The following PTPRN2 variants were observed in gnomAD, a reference collection of about 807,000 sequenced individuals.
PTPRN2 encodes the protein receptor-type tyrosine-protein phosphatase N2.
In PTPRN2, 74 loss-of-function variants were observed where a neutral mutation model predicts 118.8. That is an observed-to-expected ratio of 0.62 (90% confidence interval 0.52 to 0.76). The LOEUF (loss-of-function observed/expected upper bound fraction) is 0.76, where lower values mean the gene tolerates loss of function less well. Ranked by LOEUF, PTPRN2 falls within the 30% of genes least tolerant of loss-of-function variation. The pLI is 0.00. For synonymous variants in PTPRN2, 641 were observed against 608.0 expected, an observed-to-expected ratio of 1.05 and a Z score of -0.80; for missense variants, 1,481 against 1,394.4, an observed-to-expected ratio of 1.06 and a Z score of -0.99.
intron 12 of PTPRN2, among the ~76,000 whole-genome samples, chr7:157,710,519 CAG>C: frequency 7.5e-6 from 1 of 132,772 alleles, no homozygotes; most frequent in Admixed American, 8.7e-5. Flanking sequence ...TTTCCCAGGG[CAG>C]AGAGTGACAT....
intron 11 of PTPRN2, among the ~76,000 whole-genome samples, chr7:158,011,239 C>G (rs955297501): frequency 6.6e-6 from 1 of 152,176 alleles, no homozygotes; most frequent in Non-Finnish European, 1.5e-5. Context: ...CACATCAGCC[C>G]GTCTTCTCAC....
In PTPRN2 at chr7:157,785,625, C is replaced by T. The variant is rs773675511; in HGVS notation, c.1789-102688G>A. On this transcript the variant is annotated intron_variant, in intron 12 of 22. Transcript: ENST00000389418. This position sits in a 1 kb window ranked among gnomAD's most constrained non-coding sequence, Gnocchi z 7.3. ...GCTTCTCCCAGGACCAGGGTCCCTG[C>T]TTTCTGCAGACGGTGGGCAGAGGGC... Among the ~76,000 whole-genome samples the T allele has an allele frequency of 7.2e-5, 11 of 152,168 alleles. No homozygotes were observed. Among genetic ancestry groups the T allele is most frequent in the Non-Finnish European group, 1.5e-4 (10 of 68,018 alleles).
chr7:157,868,186 T>C lies in PTPRN2; in HGVS notation c.1788+30487A>G, dbSNP rs1392708659. 6.6e-6 allele frequency among the ~76,000 whole-genome samples: 1 copy of C among 152,182 alleles called. No homozygotes were observed. Among genetic ancestry groups the C allele is most frequent in the Admixed American group, 6.5e-5 (1 of 15,276 alleles). ...AAGGCCAGGCACAGGAAGGGTTCCTTTCCCGATGGCTCCGACAGCCCAGTG... is the reference window on the plus strand; with the variant it reads ...AAGGCCAGGCACAGGAAGGGTTCCTCTCCCGATGGCTCCGACAGCCCAGTG... On this transcript the variant is annotated intron_variant, in intron 12 of 22. Transcript: ENST00000389418. The surrounding 1 kb of genome is among the most constrained non-coding windows in gnomAD (Gnocchi z 5.2).
intron 1 of PTPRN2, among the ~76,000 whole-genome samples, chr7:158,521,269 AG>A (rs1823973513): frequency 6.6e-6 from 1 of 152,206 alleles, no homozygotes; most frequent in African/African-American, 2.4e-5. Context: ...TCTTGCCCAA[AG>A]GGACCTGAGA....
At chr7:158,036,835 G>C (rs1808119817) in intron 11 of PTPRN2, among the ~76,000 whole-genome samples, 1 of 152,030 alleles carries the variant, frequency 6.6e-6, no homozygotes, top group Non-Finnish European at 1.5e-5. Context: ...TTTTCTTAAT[G>C]CTTGGGATAG....
At chr7:157,707,974 T>C (rs1407926778) in intron 12 of PTPRN2, among the ~76,000 whole-genome samples, 1 of 152,246 alleles carries the variant, frequency 6.6e-6, no homozygotes, top group African/African-American at 2.4e-5. Flanking sequence ...AATAAAGTCC[T>C]TGTGGATTTT....
intron 6 of PTPRN2, among the ~76,000 whole-genome samples, chr7:158,151,801 C>T (rs1416833944): frequency 1.3e-5 from 2 of 152,180 alleles, no homozygotes; most frequent in Admixed American, 6.5e-5. Flanking sequence ...CCTTTGAAGG[C>T]GCAGAGATAA....
intron 4 of PTPRN2, among the ~76,000 whole-genome samples, chr7:158,199,026 G>T (rs1358386806): frequency 6.6e-6 from 1 of 151,652 alleles, no homozygotes; most frequent in Non-Finnish European, 1.5e-5. Flanking sequence ...CATGTTCCCA[G>T]GTTCTTGGTT....
chr7:157,789,676 A>ATGTGTGTATGTGTGTGGGGGTATATGTG (rs10666582), intron 12 of PTPRN2, among the ~76,000 whole-genome samples: 1 of 150,864 alleles, frequency 6.6e-6, no homozygotes, highest in Admixed American at 6.6e-5. Flanking sequence ...GTATGTGTGC[A>ATGTGTGTATGTGTGTGGGGGTATATGTG]TGTATGTGTG....
chr7:158,368,021 A>G (rs757010264), intron 2 of PTPRN2, among the ~76,000 whole-genome samples: 2 of 152,196 alleles, frequency 1.3e-5, no homozygotes, highest in Admixed American at 6.6e-5. Context: ...AAACCTTTAA[A>G]TTGAGCTGAG....
chr7:158,258,980 G>A (rs1012134782), intron 3 of PTPRN2, among the ~76,000 whole-genome samples: 2 of 152,164 alleles, frequency 1.3e-5, no homozygotes, highest in Non-Finnish European at 2.9e-5. Flanking sequence ...GGTGAGGGAG[G>A]TGCAGCGTCG....
intron 9 of PTPRN2, among the ~76,000 whole-genome samples, chr7:158,132,636 A>T (rs1205622268): frequency 6.6e-6 from 1 of 151,956 alleles, no homozygotes; most frequent in East Asian, 1.9e-4. Context: ...ATATACACAG[A>T]TGCAGATACA....
At chr7:158,295,686 A>T (rs1229625217) in intron 3 of PTPRN2, among the ~76,000 whole-genome samples, 1 of 147,294 alleles carries the variant, frequency 6.8e-6, no homozygotes, top group Non-Finnish European at 1.5e-5. Flanking sequence ...ACACTGCACC[A>T]CATCGTGGTT....
chr7:157,694,924 CATTA>C (rs1797692797), intron 12 of PTPRN2, among the ~76,000 whole-genome samples: 1 of 151,938 alleles, frequency 6.6e-6, no homozygotes, highest in South Asian at 2.1e-4. Flanking sequence ...CAAATGAGTA[CATTA>C]TTCATATAGA....
chr7:157,705,899 T>C (rs545465393), intron 12 of PTPRN2, among the ~76,000 whole-genome samples: 62 of 152,160 alleles, frequency 4.1e-4, no homozygotes, highest in African/African-American at 1.5e-3. Context: ...CCCAGGTGCC[T>C]TCTGGATAAA....
chr7:157,843,571 G>A (rs1000031504), intron 12 of PTPRN2, among the ~76,000 whole-genome samples: 9 of 152,158 alleles, frequency 5.9e-5, no homozygotes, highest in South Asian at 4.1e-4. Context: ...ACTGACTGTC[G>A]GGATTCCCTG....
At chr7:158,138,610 G>A (rs111757745) in intron 6 of PTPRN2, 95 bp from the exon 7 acceptor site, 52 of 1,227,860 alleles carry the variant, frequency 4.2e-5, no homozygotes, top group African/African-American at 2.7e-4. Flanking sequence ...CGTCTGCGGC[G>A]TCCCAAGGCA....
rs184741274 is a variant in PTPRN2 at position 157,591,656 on chromosome 7, C to T, written c.2496+3582G>A. ...CCTAACTTTGAATTTTTAAGAATGT[C>T]AATCTTGGGGCTTACTGGTAAGTAT... On this transcript the variant is annotated intron_variant, in intron 17 of 22. Transcript: ENST00000389418. The surrounding 1 kb of genome is among the most constrained non-coding windows in gnomAD (Gnocchi z 4.4). 1.3e-5 allele frequency among the ~76,000 whole-genome samples: 2 copies of T among 152,340 alleles called. No individual in the cohort carries two copies. Among genetic ancestry groups the T allele is most frequent in the Admixed American group, 1.3e-4 (2 of 15,306 alleles).
intron 11 of PTPRN2, among the ~76,000 whole-genome samples, chr7:157,965,129 T>C (rs889615297): frequency 1.5e-4 from 23 of 152,186 alleles, no homozygotes; most frequent in African/African-American, 5.5e-4. Flanking sequence ...GGAGGTAGAT[T>C]TGTGGGAGAG....
Sources: allele counts gnomAD v4.1 joint callset (sites outside exome capture counted in the v4.1 genomes callset), GRCh38; gene constraint gnomAD v4.1.1; non-coding constraint Gnocchi (gnomAD v3.1); transcripts MANE v1.5; gene names NCBI Gene and HGNC (gene_info 2026-07-23, HGNC 2026-07-21).